The following CDH13 variants were observed in gnomAD, a reference collection of about 807,000 sequenced individuals.
CDH13 encodes the protein cadherin-13.
CDH13 carries 24 observed loss-of-function variants against 63.8 expected under a neutral mutation model. The observed-to-expected ratio is 0.38, with a 90% confidence interval of 0.27 to 0.53. The LOEUF (loss-of-function observed/expected upper bound fraction) is 0.53, where lower values mean the gene tolerates loss of function less well. Ranked by LOEUF, CDH13 falls within the 20% of genes least tolerant of loss-of-function variation. The pLI is 0.85. For missense variants in CDH13, 1,049 were observed against 903.1 expected, an observed-to-expected ratio of 1.16 and a Z score of -2.07; for synonymous variants, 503 against 355.3, an observed-to-expected ratio of 1.42 and a Z score of -4.67.
At position 83,408,954 on chromosome 16, in the gene CDH13, G is replaced by A. The variant is rs150669599; in HGVS notation, c.781+63948G>A. Among the ~76,000 whole-genome samples the A allele has an allele frequency of 3.0e-4, 45 of 152,310 alleles. No homozygotes were observed. In the East Asian group the frequency reaches 7.5e-3, roughly 26 times the overall value. On this transcript the variant is annotated intron_variant, in intron 6 of 13. Coordinates refer to ENST00000567109, the MANE Select transcript of CDH13 (RefSeq NM_001257.5). ...TCCTTGGTCCAGGTGTTTCTGCATG[G>A]GAACAGAAGATTGGTGTCTGCTTTT...
chr16:83,738,252 C>G (rs185518084), intron 10 of CDH13, among the ~76,000 whole-genome samples: 30 of 152,300 alleles, frequency 2.0e-4, no homozygotes, highest in African/African-American at 5.8e-4. Context: ...TTCCCAACAC[C>G]AAGCGCGGTG....
intron 4 of CDH13, among the ~76,000 whole-genome samples, chr16:83,214,122 G>C (rs1306966645): frequency 6.6e-6 from 1 of 151,704 alleles, no homozygotes; most frequent in Non-Finnish European, 1.5e-5. Context: ...TGGAAGCTTT[G>C]TTCTTTCGCT....
At chr16:83,686,441 A>C (rs1904321184) in intron 10 of CDH13, among the ~76,000 whole-genome samples, 1 of 152,228 alleles carries the variant, frequency 6.6e-6, no homozygotes, top group Admixed American at 6.5e-5. Flanking sequence ...CTGAATACAT[A>C]GTCTATTGAC....
intron 5 of CDH13, among the ~76,000 whole-genome samples, chr16:83,259,976 C>T (rs1906763975): frequency 6.6e-6 from 1 of 151,984 alleles, no homozygotes; most frequent in Non-Finnish European, 1.5e-5. Context: ...GACAAAAATG[C>T]TTCTTACGTG....
chr16:82,789,238 T>A (rs1230909901), intron 1 of CDH13, among the ~76,000 whole-genome samples: 1 of 152,184 alleles, frequency 6.6e-6, no homozygotes, highest in African/African-American at 2.4e-5. Flanking sequence ...ACTAGAGAAG[T>A]CACGAAGAGT....
chr16:82,940,354 A>G (rs1000770281), intron 2 of CDH13, among the ~76,000 whole-genome samples: 4 of 152,112 alleles, frequency 2.6e-5, no homozygotes, highest in Non-Finnish European at 5.9e-5. Context: ...CACCTCGGGG[A>G]GTAATTATGA....
At chr16:83,750,868 A>G (rs1001945173) in intron 11 of CDH13, among the ~76,000 whole-genome samples, 1 of 152,146 alleles carries the variant, frequency 6.6e-6, no homozygotes, top group Non-Finnish European at 1.5e-5. Context: ...CCTTTGTGGC[A>G]CTTTGTTATG....
intron 5 of CDH13, among the ~76,000 whole-genome samples, chr16:83,277,966 A>G (rs2089044818): frequency 6.6e-6 from 1 of 152,208 alleles, no homozygotes; most frequent in Non-Finnish European, 1.5e-5. Flanking sequence ...GAAATGCTAT[A>G]TCAAGTAGTT....
chr16:83,420,065 G>A (rs889606445), intron 6 of CDH13, among the ~76,000 whole-genome samples: 2 of 151,840 alleles, frequency 1.3e-5, no homozygotes, highest in South Asian at 2.1e-4. Flanking sequence ...TTTAAATAGA[G>A]GGCAAAGAAT....
At chr16:82,802,536 G>C (rs1003512137) in intron 1 of CDH13, among the ~76,000 whole-genome samples, 1 of 152,110 alleles carries the variant, frequency 6.6e-6, no homozygotes, top group Non-Finnish European at 1.5e-5. Context: ...AGCAGCAAAA[G>C]GGACTCTCCC....
chr16:83,046,935 G>A (rs1005161937), intron 3 of CDH13, among the ~76,000 whole-genome samples: 2 of 152,172 alleles, frequency 1.3e-5, no homozygotes, highest in African/African-American at 2.4e-5. Context: ...CCCTTTCCCC[G>A]ATGGCTACAC....
At chr16:83,516,311 G>T (rs545601437) in intron 7 of CDH13, among the ~76,000 whole-genome samples, 57 of 152,242 alleles carry the variant, frequency 3.7e-4, no homozygotes, top group African/African-American at 1.3e-3. Flanking sequence ...ATCAGAGTGG[G>T]GGCACCCTAT....
chr16:82,751,703 T>TTAAAA (rs1351552337), intron 1 of CDH13, among the ~76,000 whole-genome samples: 49 of 139,968 alleles, frequency 3.5e-4, no homozygotes, highest in African/African-American at 1.2e-3. Flanking sequence ...GGAAAACAGG[T>TTAAAA]AAAAAAAAAA....
chr16:82,638,902 C>T (rs765007401), intron 1 of CDH13, among the ~76,000 whole-genome samples: 9 of 149,340 alleles, frequency 6.0e-5, no homozygotes, highest in Non-Finnish European at 1.2e-4. Context: ...CCACAATTCA[C>T]TGTAGTTGCT....
chr16:83,732,754 C>T (rs148451984), intron 10 of CDH13, among the ~76,000 whole-genome samples: 1 of 152,294 alleles, frequency 6.6e-6, no homozygotes, highest in African/African-American at 2.4e-5. Flanking sequence ...CCTGACCTCA[C>T]CAGGGGCACC....
At chr16:82,942,330 T>A (rs80284271) in intron 2 of CDH13, among the ~76,000 whole-genome samples, 3,174 of 152,306 alleles carry the variant, frequency 0.021, 108 homozygotes, top group African/African-American at 0.072. Context: ...ATATGTGTGA[T>A]CTATTTCCGC....
intron 5 of CDH13, among the ~76,000 whole-genome samples, chr16:83,271,253 C>T (rs144734334): frequency 1.3e-5 from 2 of 151,210 alleles, no homozygotes; most frequent in African/African-American, 4.9e-5. Context: ...AGTCTGTTAA[C>T]TAAAACTTGC....
chr16:83,544,484 T>A (rs956616414), intron 7 of CDH13, among the ~76,000 whole-genome samples: 8 of 152,136 alleles, frequency 5.3e-5, no homozygotes, highest in African/African-American at 1.9e-4. Flanking sequence ...TACCCTACCT[T>A]AAACACACTG....
intron 2 of CDH13, chr16:82,859,264 C>G (rs2039831427): frequency 6.6e-6 from 1 of 152,312 alleles, no homozygotes; most frequent in East Asian, 1.9e-4. Context: ...CTGATCTAAA[C>G]TGATCAGATG....
Sources: allele counts gnomAD v4.1 joint callset (sites outside exome capture counted in the v4.1 genomes callset), GRCh38; gene constraint gnomAD v4.1.1; transcripts MANE v1.5; gene names NCBI Gene and HGNC (gene_info 2026-07-23, HGNC 2026-07-21).